ERC1: variants seen among roughly 807,000 people sequenced by gnomAD.
ERC1 encodes ELKS/RAB6-interacting/CAST family member 1, also known as RAB6 interacting protein 2.
In ERC1, 56 loss-of-function variants were observed where a neutral mutation model predicts 132.0. That is an observed-to-expected ratio of 0.42 (90% CI 0.34 to 0.53). The LOEUF (loss-of-function observed/expected upper bound fraction) is 0.53, where lower values mean the gene tolerates loss of function less well. Ranked by LOEUF, ERC1 falls within the 20% of genes least tolerant of loss-of-function variation. The pLI is 0.03. For missense variants in ERC1, 1,202 were observed against 1,349.9 expected (o/e 0.89, Z 1.72); for synonymous variants, 478 against 476.1 (o/e 1.00, Z -0.05).
intron 15 of ERC1, among the ~76,000 whole-genome samples, chr12:1,343,298 C>T (rs1199987358): frequency 6.6e-6 from 1 of 152,192 alleles, no homozygotes; most frequent in Non-Finnish European, 1.5e-5. Flanking sequence ...TATTTTCCCC[C>T]CTTTTATCTG....
intron 3 of ERC1, among the ~76,000 whole-genome samples, chr12:1,103,521 AT>A (rs1944905967): frequency 1.3e-5 from 2 of 152,182 alleles, no homozygotes; most frequent in South Asian, 4.1e-4. Context: ...TAAAAGGTAT[AT>A]TTTTGTTTAG....
intron 17 of ERC1, among the ~76,000 whole-genome samples, chr12:1,429,080 C>G (rs2092720505): frequency 1.3e-5 from 2 of 152,138 alleles, no homozygotes; most frequent in Admixed American, 6.5e-5. Context: ...AGGCAAAACA[C>G]TTGTTAGCAA....
At chr12:1,475,983 G>A (rs1479298426) in intron 18 of ERC1, among the ~76,000 whole-genome samples, 1 of 150,172 alleles carries the variant, frequency 6.7e-6, no homozygotes, top group Non-Finnish European at 1.5e-5. Context: ...AAAAAAAAAG[G>A]CTGGGCAAGG....
chr12:1,162,538 G>A lies in ERC1; in HGVS notation c.1738-18002G>A, dbSNP rs1396795603. Among the ~76,000 whole-genome samples the A allele has an allele frequency of 2.0e-5, 3 of 147,346 alleles. No individual in the cohort carries two copies. The East Asian group carries it at 6.0e-4, about 30-fold the overall frequency. The stretch of plus-strand genomic sequence containing the variant: ...CTTTAAGTCTCTTCTATTTTGTTTT[G>A]GGTAGGAGGTCAGAAAGAATAGGTC... On this transcript the variant is annotated intron_variant, in intron 8 of 18. Coordinates refer to ENST00000360905, the MANE Select transcript of ERC1 (RefSeq NM_178040.4).
intron 8 of ERC1, among the ~76,000 whole-genome samples, chr12:1,151,117 A>G (rs989983345): frequency 1.3e-5 from 2 of 152,252 alleles, no homozygotes; most frequent in African/African-American, 2.4e-5. Context: ...AGTGCATTTA[A>G]AAAATCAATT....
chr12:1,389,320 G>T (rs887716813), intron 16 of ERC1, among the ~76,000 whole-genome samples: 1 of 152,200 alleles, frequency 6.6e-6, no homozygotes, highest in Non-Finnish European at 1.5e-5. Flanking sequence ...TAATTTTGGA[G>T]TCATCAGAAC....
chr12:1,229,883 G>A (rs1056449362), intron 12 of ERC1, among the ~76,000 whole-genome samples: 1 of 151,700 alleles, frequency 6.6e-6, no homozygotes, highest in Non-Finnish European at 1.5e-5. Context: ...TAAGTTGTTT[G>A]AGATCTTTAT....
chr12:1,263,774 C>T (rs779259649), intron 14 of ERC1, among the ~76,000 whole-genome samples: 13 of 152,116 alleles, frequency 8.5e-5, no homozygotes, highest in Non-Finnish European at 1.6e-4. Flanking sequence ...ACTGCAACCT[C>T]TGCCTCCCGG....
chr12:1,341,278 A>G lies in ERC1; in HGVS notation c.2781-30555A>G, dbSNP rs539692303. 2.0e-5 allele frequency among the ~76,000 whole-genome samples: 3 copies of G among 151,122 alleles called. No homozygotes were observed. In the South Asian group the frequency reaches 6.3e-4, roughly 32 times the overall value. ...CCGGCTAATCTGTTTTGTATTTTCA[A>G]TAGAGACAGGGTTTCGCCATGTTCA... On this transcript the variant is annotated intron_variant, in intron 15 of 18. Coordinates refer to ENST00000360905, the MANE Select transcript of ERC1 (RefSeq NM_178040.4).
intron 15 of ERC1, among the ~76,000 whole-genome samples, chr12:1,339,088 C>A (rs2083565867): frequency 6.6e-6 from 1 of 152,184 alleles, no homozygotes; most frequent in Admixed American, 6.5e-5. Context: ...AGGGTGCTAG[C>A]AGGTGCCAGG....
intron 16 of ERC1, among the ~76,000 whole-genome samples, chr12:1,400,648 C>T (rs1219915619): frequency 1.3e-5 from 2 of 152,014 alleles, no homozygotes; most frequent in Non-Finnish European, 2.9e-5. Context: ...CTTTGCATGT[C>T]TATTTCTATT....
chr12:1,135,428 G>A (rs1949154177), intron 7 of ERC1, among the ~76,000 whole-genome samples: 1 of 152,160 alleles, frequency 6.6e-6, no homozygotes, highest in South Asian at 2.1e-4. Context: ...AAAGAAGTTT[G>A]TTGTGCTTTA....
At position 1,183,358 on chromosome 12, in the gene ERC1, A is replaced by G. The variant is rs1015434445; in HGVS notation, c.2094A>G (p.Thr698=). Residue 698 remains threonine (T), a synonymous_variant, in exon 11 of 19, where the codon ACA becomes ACG. Transcript: ENST00000360905. ...TGAAAAAGGACTCACGGCTTAAGAC[A>G]CTAGAGATTGCTTTGGAGCAGAAGA... ...SGLKKDSRLK[T]LEIALEQKKE... 2 of 1,600,694 alleles carry G rather than the reference A, an allele frequency of 1.2e-6. No individual in the cohort carries two copies. Among genetic ancestry groups the G allele is most frequent in the South Asian group, 1.1e-5 (1 of 89,298 alleles).
At chr12:1,418,715 T>C (rs1215896823) in intron 17 of ERC1, among the ~76,000 whole-genome samples, 1 of 139,936 alleles carries the variant, frequency 7.1e-6, no homozygotes, top group African/African-American at 2.8e-5. Flanking sequence ...TCTTTCTTTC[T>C]TTCTTTCTTT....
intron 2 of ERC1, among the ~76,000 whole-genome samples, chr12:1,054,522 G>A (rs1565871752): frequency 6.6e-6 from 1 of 151,712 alleles, no homozygotes; most frequent in Non-Finnish European, 1.5e-5. Context: ...CAGTGCTGCA[G>A]GCAGAGTTCA....
At chr12:1,401,713 G>A (rs903655541) in intron 16 of ERC1, among the ~76,000 whole-genome samples, 1 of 148,606 alleles carries the variant, frequency 6.7e-6, no homozygotes, top group Non-Finnish European at 1.5e-5. Context: ...AGTAAATGTT[G>A]GCTTGGAAAT....
rs188798455 is a variant in ERC1, at chr12:1,141,679, A to G, written c.1629A>G (p.Lys543=). Residue 543 remains lysine, a synonymous_variant, in exon 8 of 19, where the codon AAA becomes AAG. Coordinates refer to ENST00000360905, the MANE Select transcript of ERC1 (RefSeq NM_178040.4). ...EKETMLNKKT[K]QIQDMAEEKG... The stretch of plus-strand genomic sequence containing the variant: ...AAACCATGTTGAATAAAAAGACAAA[A>G]CAAATTCAGGATATGGCTGAAGAGA... 5.6e-6 allele frequency: 9 copies of G among 1,613,666 alleles called. No individual in the cohort carries two copies. The highest frequency in any genetic ancestry group is 7.6e-6 in the Non-Finnish European group (9 of 1,179,680).
At chr12:1,424,505 C>G (rs1252967279) in intron 17 of ERC1, among the ~76,000 whole-genome samples, 1 of 152,034 alleles carries the variant, frequency 6.6e-6, no homozygotes, top group African/African-American at 2.4e-5. Context: ...AAAGAGTAGT[C>G]TCTTATGTCT....
chr12:1,383,113 G>A (rs2088886527), intron 16 of ERC1, among the ~76,000 whole-genome samples: 1 of 152,050 alleles, frequency 6.6e-6, no homozygotes, highest in Non-Finnish European at 1.5e-5. Flanking sequence ...TCGTCAAACT[G>A]CTGCCTTTTA....
Sources: gnomAD v4.1 joint callset for allele counts (sites outside exome capture counted in the v4.1 genomes callset) on GRCh38, gnomAD v4.1.1 for gene constraint, MANE v1.5 for transcripts, NCBI Gene and HGNC (gene_info 2026-07-23, HGNC 2026-07-21) for gene names.